MPHOSPH8: variants seen among roughly 807,000 people sequenced by gnomAD.
MPHOSPH8 encodes the protein M-phase phosphoprotein 8, also known as M-phase phosphoprotein, mpp.
Under a neutral mutation model 87.3 loss-of-function variants are expected in MPHOSPH8, and 45 were observed. The ratio of observed to expected loss-of-function variants is 0.52; its 90% CI spans 0.41 to 0.66. The LOEUF is 0.66. Among genes scored for constraint, MPHOSPH8 ranks in the 30% least tolerant of loss-of-function variants. The pLI, the probability that MPHOSPH8 is intolerant of heterozygous loss-of-function variation, is 0.00. For synonymous variants in MPHOSPH8, 366 were observed against 376.9 expected (o/e 0.97, Z 0.33); for missense variants, 883 against 1,020.2 (o/e 0.87, Z 1.83).
intron 7 of MPHOSPH8, chr13:19,661,162 T>C (rs1875506532): frequency 5.9e-6 from 1 of 170,174 alleles, no homozygotes; most frequent in Admixed American, 6.5e-5. Flanking sequence ...ATTGTGGGTT[T>C]GGTTCCAGAC....
At chr13:19,658,341 G>A (rs776694841) in intron 5 of MPHOSPH8, among the ~76,000 whole-genome samples, 1 of 152,064 alleles carries the variant, frequency 6.6e-6, no homozygotes, top group Non-Finnish European at 1.5e-5. Context: ...CAAAACCATT[G>A]TGAATTACTC....
rs1230899631 is a variant in MPHOSPH8, at chr13:19,647,352, AGGAAAG to A, written c.1218+67_1218+72del. 14 of 1,397,142 alleles carry A rather than the reference AGGAAAG, an allele frequency of 1.0e-5. No individual in the cohort carries two copies. The African/African-American group carries it at 1.9e-4, about 19-fold the overall frequency. The allele number at this position is 1,397,142 out of a possible 1,614,324, so 86.5% of individuals were successfully genotyped here. On this transcript the variant is annotated intron_variant, in intron 3 of 13. Transcript: ENST00000361479. ...GAGTGGTCAAGACATTTCACAAGCAAGGAAAGGGAAACAGTCAAGCTATAAGAAAGT... is the reference window on the plus strand; with the variant it reads ...GAGTGGTCAAGACATTTCACAAGCAAGGAAACAGTCAAGCTATAAGAAAGT...
intron 10 of MPHOSPH8, 123 bp downstream of exon 10, chr13:19,666,702 G>T: frequency 1.2e-6 from 1 of 821,410 alleles, no homozygotes; most frequent in Non-Finnish European, 1.8e-6. Context: ...AAGTCCTGAT[G>T]GTTTTGTTTC....
In MPHOSPH8 at chr13:19,666,418, G is replaced by C; in HGVS notation, c.2020-7G>C. Reference sequence around the variant, plus strand: ...AAGTAATTGTTACTCCTTTTTACCTGACGTAGGCCTGTAAAAGAGGAAATT... The same window carrying C: ...AAGTAATTGTTACTCCTTTTTACCTCACGTAGGCCTGTAAAAGAGGAAATT... On this transcript the variant is annotated splice_region_variant and splice_polypyrimidine_tract_variant and intron_variant, in intron 9 of 13. Coordinates refer to ENST00000361479, the MANE Select transcript of MPHOSPH8 (RefSeq NM_017520.4). 1 of 1,600,818 alleles carries C rather than the reference G, an allele frequency of 6.2e-7. No homozygotes were observed. The highest frequency in any genetic ancestry group is 8.6e-7 in the Non-Finnish European group (1 of 1,169,310).
chr13:19,647,019 A>G lies in MPHOSPH8; in HGVS notation c.946A>G (p.Ser316Gly), dbSNP rs1874602892. The change falls in exon 3 of 14, where the codon AGT becomes GGT. Residue 316 changes from serine to glycine, a missense_variant. Around this residue, in one of 3 missense-constraint regions of MPHOSPH8, gnomAD observed 741 missense variants for 841.5 expected, o/e 0.88. Transcript: ENST00000361479. ...GCATGGCTTTGAGAAGCCCCTAGAC[A>G]GTGCCATGAGTGCTGAGGAGGATAC... is the stretch of plus-strand genomic sequence containing the variant. ...LEHGFEKPLD[S>G]AMSAEEDTDV... is the part of the protein sequence containing the mutation. 1.2e-6 allele frequency: 2 copies of G among 1,603,826 alleles called. No individual in the cohort carries two copies. The highest frequency in any genetic ancestry group is 2.2e-5 in the East Asian group (1 of 44,808).
chr13:19,663,683 G>C (rs17085419), intron 9 of MPHOSPH8, among the ~76,000 whole-genome samples: 16,265 of 152,216 alleles, frequency 0.11, 1,063 homozygotes, highest in African/African-American at 0.18. Flanking sequence ...GCCAGGTCTG[G>C]TTGGTTCCTC....
At chr13:19,659,918 T>G (rs192223444) in intron 7 of MPHOSPH8, among the ~76,000 whole-genome samples, 1 of 151,250 alleles carries the variant, frequency 6.6e-6, no homozygotes, top group Non-Finnish European at 1.5e-5. Context: ...CCATCTCTCC[T>G]GTTGTAGCTG....
At chr13:19,640,465 G>A (rs1056220644) in intron 1 of MPHOSPH8, among the ~76,000 whole-genome samples, 3 of 152,062 alleles carry the variant, frequency 2.0e-5, no homozygotes, top group Non-Finnish European at 4.4e-5. Flanking sequence ...ATGGACTCTT[G>A]TATCTGGTGG....
rs774483617 is a variant in MPHOSPH8 at position 19,671,897 on chromosome 13, G to A, written c.*22G>A. The A allele has an allele frequency of 6.5e-5, 105 of 1,612,350 alleles. No homozygotes were observed. Among genetic ancestry groups the A allele is most frequent in the Non-Finnish European group, 8.5e-5 (100 of 1,178,496 alleles). ...GTGACCAAACAGAAGGGACTGGGCG[G>A]AGTTCTCTTCAGACCGATTCCTATA... On this transcript the variant is annotated 3_prime_UTR_variant, in exon 14 of 14. Coordinates refer to ENST00000361479, the MANE Select transcript of MPHOSPH8 (RefSeq NM_017520.4).
At chr13:19,652,437 G>T (rs1874906767) in intron 5 of MPHOSPH8, among the ~76,000 whole-genome samples, 1 of 152,190 alleles carries the variant, frequency 6.6e-6, no homozygotes, top group African/African-American at 2.4e-5. Flanking sequence ...GCAACTCACA[G>T]ACCAGGAGAT....
chr13:19,650,002 G>T lies in MPHOSPH8; in HGVS notation c.1319-1G>T. On this transcript the variant is annotated splice_acceptor_variant, in intron 4 of 13. Transcript: ENST00000361479. LOFTEE classifies it high-confidence loss of function. ...ACCATCTATTTTAATTTTTTCGTTA[G>T]CACTTAAGGAAATCAGAAATGCATT... 6.4e-7 allele frequency: 1 copy of T among 1,568,988 alleles called. No individual in the cohort carries two copies. The highest frequency in any genetic ancestry group is 8.6e-7 in the Non-Finnish European group (1 of 1,157,296).
chr13:19,650,755 T>G (rs1171777618), intron 5 of MPHOSPH8, among the ~76,000 whole-genome samples: 2 of 83,298 alleles, frequency 2.4e-5, no homozygotes, highest in Non-Finnish European at 3.5e-5. Flanking sequence ...TGTTTATAAC[T>G]AGGACCTAAT....
Position 19,642,299 on chromosome 13 carries a change from T to TA in MPHOSPH8, c.369+30dup, listed in dbSNP as rs148893336. Reference sequence around the variant, plus strand: ...CTATGTTTTGTCTCATATTTGTTTTTACATACATAAATTTATTGTAAATTT... The same window carrying TA: ...CTATGTTTTGTCTCATATTTGTTTTTAACATACATAAATTTATTGTAAATTT... On this transcript the variant is annotated intron_variant, in intron 2 of 13. Coordinates refer to ENST00000361479, the MANE Select transcript of MPHOSPH8 (RefSeq NM_017520.4). The TA allele has an allele frequency of 4.2e-3, 6,332 of 1,521,908 alleles. 209 individuals carry two copies. In the African/African-American group the frequency reaches 0.074, roughly 18 times the overall value. The allele number at this position is 1,521,908 out of a possible 1,614,324, so 94.3% of individuals were successfully genotyped here.
chr13:19,659,307 A>G lies in MPHOSPH8; in HGVS notation c.1791+18A>G. ...ACCAAGAGGTAATATGTCGTTGAAA[A>G]ATCTCATGAAAGGAAAATGGAAAGT... is the stretch of plus-strand genomic sequence containing the variant. On this transcript the variant is annotated intron_variant, in intron 7 of 13. Coordinates refer to ENST00000361479, the MANE Select transcript of MPHOSPH8 (RefSeq NM_017520.4). 1 of 1,538,916 alleles carries G rather than the reference A, an allele frequency of 6.5e-7. No homozygotes were observed. Among genetic ancestry groups the G allele is most frequent in the Non-Finnish European group, 8.9e-7 (1 of 1,128,746 alleles).
In MPHOSPH8 at chr13:19,650,140, A is replaced by G; in HGVS notation, c.1456A>G (p.Asn486Asp). 8.7e-6 allele frequency: 14 copies of G among 1,614,176 alleles called. No homozygotes were observed. Among genetic ancestry groups the G allele is most frequent in the Non-Finnish European group, 1.2e-5 (14 of 1,180,014 alleles). Reference protein sequence around the residue: ...KTIDDHKTKENKQSLKERRNT... With the variant: ...KTIDDHKTKEDKQSLKERRNT... ...CATAGACGATCACAAAACCAAGGAA[A>G]ACAAACAGTCACTTAAAGAAAGGAG... Residue 486 changes from asparagine to aspartate, a missense_variant, in exon 5 of 14, where the codon AAC becomes GAC. By Grantham distance (23) the Asn-to-Asp change is conservative (BLOSUM62 1). This residue lies in a region of MPHOSPH8 where 741 missense variants were observed against 841.5 expected (regional missense o/e 0.88). Transcript: ENST00000361479.
At chr13:19,667,653 C>G (rs556950321) in intron 10 of MPHOSPH8, among the ~76,000 whole-genome samples, 8 of 152,044 alleles carry the variant, frequency 5.3e-5, no homozygotes, top group Non-Finnish European at 1.2e-4. Context: ...AATAGGCATT[C>G]AAGATTCCTT....
At position 19,646,590 on chromosome 13, in the gene MPHOSPH8, G is replaced by A; in HGVS notation, c.517G>A (p.Ala173Thr). ...CCCAGATGATCTGAAAAAGAAAAAA[G>A]CAAAGGCCGGGAAGCTAAAAGACAA... ...KSPDDLKKKKAKAGKLKDKSK... is the reference protein window; with the variant it reads ...KSPDDLKKKKTKAGKLKDKSK... The change falls in exon 3 of 14, where the codon GCA (alanine) becomes ACA (threonine). Residue 173 changes from alanine to threonine, a missense_variant. By Grantham distance (58) the Ala-to-Thr change is moderately conservative. Around this residue, in one of 3 missense-constraint regions of MPHOSPH8, gnomAD observed 741 missense variants for 841.5 expected, o/e 0.88. Coordinates refer to ENST00000361479, the MANE Select transcript of MPHOSPH8 (RefSeq NM_017520.4). 3 of 1,583,286 alleles carry A rather than the reference G, an allele frequency of 1.9e-6. No individual in the cohort carries two copies. In the South Asian group the frequency reaches 3.6e-5, roughly 19 times the overall value.
intron 1 of MPHOSPH8, among the ~76,000 whole-genome samples, chr13:19,641,745 C>G (rs1874305178): frequency 6.6e-6 from 1 of 152,000 alleles, no homozygotes; most frequent in Non-Finnish European, 1.5e-5. Context: ...ATGCGCTTGC[C>G]TCGGCCTCCC....
chr13:19,669,708 C>T (rs559489281), intron 11 of MPHOSPH8, among the ~76,000 whole-genome samples: 1 of 151,786 alleles, frequency 6.6e-6, no homozygotes, highest in South Asian at 2.1e-4. Context: ...GGGGGTTTCA[C>T]CATATTGGCC....
Sources: allele counts gnomAD v4.1 joint callset (sites outside exome capture counted in the v4.1 genomes callset), GRCh38; gene constraint gnomAD v4.1.1; regional missense constraint gnomAD v4.1.1; transcripts MANE v1.5; gene names NCBI Gene and HGNC (gene_info 2026-07-23, HGNC 2026-07-21).